ZC3H6: variants seen among roughly 807,000 people sequenced by gnomAD.
ZC3H6 encodes the protein zinc finger CCCH domain-containing protein 6.
ZC3H6 carries 40 observed loss-of-function variants against 107.7 expected under a neutral mutation model. That is an observed-to-expected ratio of 0.37 (90% CI 0.29 to 0.48). The LOEUF (loss-of-function observed/expected upper bound fraction) is 0.48. Among genes scored for constraint, ZC3H6 ranks in the 20% least tolerant of loss-of-function variants. The probability of loss-of-function intolerance (pLI) is 0.98; values close to 1 mark genes in which losing one functional copy is unlikely to be tolerated. For missense variants in ZC3H6, 1,267 were observed against 1,410.4 expected, an observed-to-expected ratio of 0.90 and a Z score of 1.63; for synonymous variants, 493 against 487.9, an observed-to-expected ratio of 1.01 and a Z score of -0.14.
chr2:112,299,766 G>T, intron 1 of ZC3H6, 83 bp from the exon 2 acceptor site: 1 of 1,084,676 alleles, frequency 9.2e-7, no homozygotes, highest in East Asian at 3.0e-5. Flanking sequence ...TAAATCCTTG[G>T]CATATGCTTT....
At chr2:112,296,465 A>C (rs1676235149) in intron 1 of ZC3H6, among the ~76,000 whole-genome samples, 1 of 152,190 alleles carries the variant, frequency 6.6e-6, no homozygotes, top group African/African-American at 2.4e-5. Flanking sequence ...ATTTTTTACT[A>C]TTATGACTAC....
In ZC3H6 at chr2:112,324,592, C is replaced by T. The variant is rs746843638; in HGVS notation, c.1781C>T (p.Pro594Leu). Residue 594 changes from proline (P) to leucine (L), a missense_variant, in exon 10 of 12, where the codon CCA becomes CTA. Around this residue, in one of 3 missense-constraint regions of ZC3H6, gnomAD observed 925 missense variants for 1,025.7 expected, o/e 0.90. Transcript: ENST00000409871. ...LNTNYESLQN[P>L]AEFYDNYYAQ... ...ACCAATTATGAGTCCCTGCAAAACCCAGCTGAGTTTTACGATAATTACTAT... is the reference window on the plus strand; with the variant it reads ...ACCAATTATGAGTCCCTGCAAAACCTAGCTGAGTTTTACGATAATTACTAT... 6.2e-7 allele frequency: 1 copy of T among 1,611,632 alleles called. No individual in the cohort carries two copies. Among genetic ancestry groups the T allele is most frequent in the Non-Finnish European group, 8.5e-7 (1 of 1,178,676 alleles).
Position 112,338,304 on chromosome 2 carries a change from A to G in ZC3H6, c.*5816A>G, listed in dbSNP as rs1330519313. On this transcript the variant is annotated 3_prime_UTR_variant, in exon 12 of 12. Transcript: ENST00000409871. ...CCTAACCTAGTGAATTATCAATAGC[A>G]TTTAAAATTCCTTCTATCCTGATAC... is the stretch of plus-strand genomic sequence containing the variant. 1 of 152,234 alleles carries G rather than the reference A, an allele frequency of 6.6e-6. No individual in the cohort carries two copies. The highest frequency in any genetic ancestry group is 2.4e-5 in the African/African-American group (1 of 41,452). The allele number at this position is 152,234 out of a possible 1,614,324, so 9.4% of individuals were successfully genotyped here.
At chr2:112,290,660 T>C (rs1223951011) in intron 1 of ZC3H6, among the ~76,000 whole-genome samples, 1 of 152,370 alleles carries the variant, frequency 6.6e-6, no homozygotes, top group East Asian at 1.9e-4. Context: ...GCCTTTTTTT[T>C]TTTTTTAGCT....
chr2:112,322,078 T>C (rs1676811569), intron 8 of ZC3H6, among the ~76,000 whole-genome samples: 1 of 151,924 alleles, frequency 6.6e-6, no homozygotes. Flanking sequence ...TTCAACTTTT[T>C]TTTTTCTTTC....
intron 1 of ZC3H6, among the ~76,000 whole-genome samples, chr2:112,288,148 A>G (rs1375324880): frequency 1.3e-5 from 2 of 152,208 alleles, no homozygotes; most frequent in Non-Finnish European, 2.9e-5. Context: ...TAGAGATGGA[A>G]TAAAGTACAA....
Position 112,332,292 on chromosome 2 carries a change from A to G in ZC3H6, c.3374A>G (p.Gln1125Arg). 6.2e-7 allele frequency: 1 copy of G among 1,613,926 alleles called. No homozygotes were observed. The highest frequency in any genetic ancestry group is 1.3e-5 in the African/African-American group (1 of 75,046). ...ADVPRSSGKV[Q>R]VPAVHSLPVQ... ...GTTCCCAGGAGTTCTGGTAAGGTTC[A>G]GGTCCCAGCAGTGCACAGCCTTCCT... is the stretch of plus-strand genomic sequence containing the variant. The change falls in exon 12 of 12, where the codon CAG becomes CGG. Residue 1125 changes from glutamine to arginine, a missense_variant. Physicochemically the swap from Gln to Arg is conservative, Grantham distance 43. Coordinates refer to ENST00000409871, the MANE Select transcript of ZC3H6 (RefSeq NM_198581.3).
At position 112,276,831 on chromosome 2, in the gene ZC3H6, C is replaced by A. The variant is rs1383306166; in HGVS notation, c.32+805C>A. 2.0e-5 allele frequency among the ~76,000 whole-genome samples: 3 copies of A among 152,088 alleles called. 1 individual carries two copies. The highest frequency in any genetic ancestry group is 4.4e-5 in the Non-Finnish European group (3 of 68,014). ...AATTCAAATTTTCATTCGTATATAT[C>A]TTTAATAATGCGAAAGGGGGGCTTT... On this transcript the variant is annotated intron_variant, in intron 1 of 11. Transcript: ENST00000409871.
chr2:112,314,701 A>G (rs991584859), intron 5 of ZC3H6, among the ~76,000 whole-genome samples: 1 of 152,082 alleles, frequency 6.6e-6, no homozygotes, highest in South Asian at 2.1e-4. Context: ...GATTCTTTGT[A>G]TAGAATGCCT....
intron 9 of ZC3H6, among the ~76,000 whole-genome samples, chr2:112,323,842 G>A (rs1032533031): frequency 6.6e-6 from 1 of 152,174 alleles, no homozygotes; most frequent in Non-Finnish European, 1.5e-5. Flanking sequence ...TAGTAGGAGA[G>A]AACCAATAAA....
In ZC3H6 at chr2:112,325,113, C is replaced by G; in HGVS notation, c.2002C>G (p.Leu668Val). 1.2e-6 allele frequency: 2 copies of G among 1,614,026 alleles called. No individual in the cohort carries two copies. Among genetic ancestry groups the G allele is most frequent in the Admixed American group, 1.7e-5 (1 of 60,022 alleles). The change falls in exon 11 of 12, where the codon CTT (leucine) becomes GTT (valine). Residue 668 changes from leucine to valine, a missense_variant. This residue lies in a region of ZC3H6 where 925 missense variants were observed against 1,025.7 expected (regional missense o/e 0.90). Coordinates refer to ENST00000409871, the MANE Select transcript of ZC3H6 (RefSeq NM_198581.3). ...CCTCCTCCCTGCAGTGCAAAGAGCT[C>G]TTTTTGTAAGACTTACTCAGAGATA... ...PGLLPAVQRALFVRLTQRYQE... is the reference protein window; with the variant it reads ...PGLLPAVQRAVFVRLTQRYQE...
intron 5 of ZC3H6, among the ~76,000 whole-genome samples, chr2:112,315,588 T>G (rs887077760): frequency 2.4e-4 from 37 of 151,790 alleles, no homozygotes; most frequent in African/African-American, 8.7e-4. Flanking sequence ...AAACTTTTTT[T>G]TTGTTTTTTT....
intron 7 of ZC3H6, among the ~76,000 whole-genome samples, chr2:112,319,972 G>T (rs572544421): frequency 8.5e-5 from 13 of 152,138 alleles, no homozygotes; most frequent in African/African-American, 2.9e-4. Flanking sequence ...CACTTTTGTT[G>T]CCCAGGCTGG....
rs1431615484 is a variant in ZC3H6, at chr2:112,324,375, C to T, written c.1564C>T (p.Pro522Ser). The T allele has an allele frequency of 6.2e-7, 1 of 1,614,018 alleles. No individual in the cohort carries two copies. The highest frequency in any genetic ancestry group is 1.1e-5 in the South Asian group (1 of 91,084). Residue 522 changes from proline to serine, a missense_variant, in exon 10 of 12, where the codon CCA becomes TCA. Pro to Ser is a moderately conservative substitution (Grantham distance 74). Around this residue, in one of 3 missense-constraint regions of ZC3H6, gnomAD observed 925 missense variants for 1,025.7 expected, o/e 0.90. Transcript: ENST00000409871. ...VPQSPPLPPGPPEIVGPQNQA... is the reference protein window; with the variant it reads ...VPQSPPLPPGSPEIVGPQNQA... Reference sequence around the variant, plus strand: ...ACAGAGCCCACCTTTACCACCTGGTCCACCTGAAATTGTAGGTCCTCAAAA... The same window carrying T: ...ACAGAGCCCACCTTTACCACCTGGTTCACCTGAAATTGTAGGTCCTCAAAA...
Position 112,338,959 on chromosome 2 carries a change from A to T in ZC3H6, c.*6471A>T, listed in dbSNP as rs1477137900. 11 of 146,738 alleles carry T rather than the reference A, an allele frequency of 7.5e-5. No homozygotes were observed. The highest frequency in any genetic ancestry group is 2.7e-4 in the African/African-American group (11 of 40,626). 9.1% of individuals were successfully genotyped at this position (146,738 alleles called of 1,614,324 possible). Reference sequence around the variant, plus strand: ...AGTCTTGCTCTGTCACCCAGGCTGGAGTACAGCTCACAGCAACCTCTGCCT... The same window carrying T: ...AGTCTTGCTCTGTCACCCAGGCTGGTGTACAGCTCACAGCAACCTCTGCCT... On this transcript the variant is annotated 3_prime_UTR_variant, in exon 12 of 12. Transcript: ENST00000409871.
intron 1 of ZC3H6, among the ~76,000 whole-genome samples, chr2:112,289,483 C>T (rs1322187943): frequency 6.6e-6 from 1 of 151,058 alleles, no homozygotes; most frequent in East Asian, 2.0e-4. Flanking sequence ...CGCAACCACG[C>T]CCAGCTGATT....
chr2:112,292,346 G>A (rs1342143093), intron 1 of ZC3H6, among the ~76,000 whole-genome samples: 4 of 152,192 alleles, frequency 2.6e-5, no homozygotes, highest in African/African-American at 7.2e-5. Context: ...TGGCCTGACT[G>A]AATATCAGAA....
intron 1 of ZC3H6, among the ~76,000 whole-genome samples, chr2:112,297,800 CTTAG>C (rs1491002271): frequency 2.6e-5 from 4 of 152,054 alleles, no homozygotes; most frequent in African/African-American, 7.2e-5. Flanking sequence ...TGTTTGTTTA[CTTAG>C]TGTTTGTTGG....
chr2:112,300,611 A>G (rs1454906894), intron 2 of ZC3H6, among the ~76,000 whole-genome samples: 2 of 152,240 alleles, frequency 1.3e-5, no homozygotes, highest in Non-Finnish European at 1.5e-5. Context: ...TTCTCTACAG[A>G]TACAGATTAG....
Sources: gnomAD v4.1 joint callset for allele counts (sites outside exome capture counted in the v4.1 genomes callset) on GRCh38, gnomAD v4.1.1 for gene constraint, gnomAD v4.1.1 regional missense constraint, MANE v1.5 for transcripts, NCBI Gene and HGNC (gene_info 2026-07-23, HGNC 2026-07-21) for gene names.